Variants in DYNC2H1 observed in about 807,000 individuals in gnomAD.
DYNC2H1 encodes cytoplasmic dynein 2 heavy chain 1.
DYNC2H1 carries 410 observed loss-of-function variants against 570.0 expected under a neutral mutation model. The observed-to-expected ratio is 0.72, with a 90% CI of 0.66 to 0.78. The LOEUF (loss-of-function observed/expected upper bound fraction) is 0.78, where lower values mean the gene tolerates loss of function less well. Ranked by LOEUF, DYNC2H1 falls within the 30% of genes least tolerant of loss-of-function variation. DYNC2H1 has a pLI of 0.00. For synonymous variants in DYNC2H1, 1,688 were observed against 1,677.6 expected (o/e 1.01, Z -0.15); for missense variants, 4,865 against 5,046.4 (o/e 0.96, Z 1.09).
intron 85 of DYNC2H1, among the ~76,000 whole-genome samples, chr11:103,444,435 ATC>A (rs1944364060): frequency 6.6e-6 from 1 of 152,118 alleles, no homozygotes. Flanking sequence ...AGGTAGTAAC[ATC>A]TGTCCTTATA....
intron 12 of DYNC2H1, among the ~76,000 whole-genome samples, chr11:103,126,071 G>C (rs1010329198): frequency 6.6e-6 from 1 of 151,862 alleles, no homozygotes; most frequent in Non-Finnish European, 1.5e-5. Context: ...TCTTTGACTT[G>C]ATTATTATAT....
intron 82 of DYNC2H1, among the ~76,000 whole-genome samples, chr11:103,338,409 G>A (rs191385199): frequency 1.6e-4 from 24 of 152,252 alleles, no homozygotes; most frequent in Non-Finnish European, 3.2e-4. Context: ...TTTCTGTGAA[G>A]AATGTCATTG....
At chr11:103,468,764 C>G (rs926117840) in intron 88 of DYNC2H1, 59 bp downstream of exon 88, 2 of 1,324,650 alleles carry the variant, frequency 1.5e-6, no homozygotes, top group Admixed American at 2.2e-5. Context: ...TAGATTTTAT[C>G]TTTTCAAGAA....
intron 83 of DYNC2H1, among the ~76,000 whole-genome samples, chr11:103,385,063 A>G (rs1941816832): frequency 2.0e-5 from 3 of 152,006 alleles, no homozygotes; most frequent in African/African-American, 7.2e-5. Context: ...TCTTTGATCT[A>G]TCTTTTCTTG....
chr11:103,187,341 A>G lies in DYNC2H1; in HGVS notation c.6895A>G (p.Met2299Val). 1 of 1,612,610 alleles carries G rather than the reference A, an allele frequency of 6.2e-7. No individual in the cohort carries two copies. ...TCAGATGTCATGCATTTTTCGTAGG[A>G]TGCTGCTCAGGTACGCATTTTCACA... Reference protein sequence around the residue: ...LVGPEGCGKGMLLRYAFSQLR... With the variant: ...LVGPEGCGKGVLLRYAFSQLR... The change falls in exon 43 of 89, where the codon ATG becomes GTG. Residue 2299 changes from methionine (M) to valine (V), a missense_variant and splice_region_variant. By Grantham distance (21) the Met-to-Val change is conservative (BLOSUM62 1). Around this residue, in one of 5 missense-constraint regions of DYNC2H1, gnomAD observed 2,401 missense variants for 2,454.6 expected, o/e 0.98. Transcript: ENST00000375735.
intron 60 of DYNC2H1, among the ~76,000 whole-genome samples, chr11:103,233,021 G>A (rs965509644): frequency 1.3e-5 from 2 of 151,898 alleles, no homozygotes; most frequent in African/African-American, 4.8e-5. Context: ...TTAAATAGCC[G>A]TAAAGTGGCT....
intron 84 of DYNC2H1, among the ~76,000 whole-genome samples, chr11:103,428,901 T>G (rs1363225041): frequency 1.3e-5 from 2 of 152,178 alleles, no homozygotes; most frequent in Non-Finnish European, 2.9e-5. Flanking sequence ...ATGTGGGTTG[T>G]TTCCACCTTC....
At chr11:103,148,454 A>T in intron 19 of DYNC2H1, 36 bp from the exon 20 acceptor site, 1 of 1,536,956 alleles carries the variant, frequency 6.5e-7, no homozygotes, top group South Asian at 1.2e-5. Context: ...TGATGGTAAT[A>T]ATTAACATTT....
At chr11:103,214,169 A>G (rs1425789802) in intron 54 of DYNC2H1, among the ~76,000 whole-genome samples, 1 of 152,018 alleles carries the variant, frequency 6.6e-6, no homozygotes, top group African/African-American at 2.4e-5. Flanking sequence ...ATTCTGTTCC[A>G]TTGGTCTGTG....
chr11:103,177,696 A>G lies in DYNC2H1; in HGVS notation c.6015A>G (p.Gln2005=), dbSNP rs1399232582. ...ALCKTGKVVK[Q]YTMNPKAMPR... is the part of the protein sequence containing the mutation. ...GTAAAACTGGCAAAGTAGTGAAACA[A>G]TATACTATGAATCCCAAAGCTATGC... Residue 2005 remains glutamine, a synonymous_variant, in exon 38 of 89, where the codon CAA becomes CAG. Transcript: ENST00000375735. This position sits in a 1 kb window ranked among gnomAD's most constrained non-coding sequence, Gnocchi z 4.4. The G allele has an allele frequency of 1.2e-6, 2 of 1,613,604 alleles. No individual in the cohort carries two copies. The highest frequency in any genetic ancestry group is 1.1e-5 in the South Asian group (1 of 91,024).
At chr11:103,357,130 C>G (rs747975400) in intron 82 of DYNC2H1, among the ~76,000 whole-genome samples, 19 of 151,974 alleles carry the variant, frequency 1.3e-4, no homozygotes, top group South Asian at 1.2e-3. Flanking sequence ...ATCACATTAT[C>G]TGTAACCTAA....
At chr11:103,230,485 G>C (rs915183846) in intron 59 of DYNC2H1, among the ~76,000 whole-genome samples, 1 of 152,186 alleles carries the variant, frequency 6.6e-6, no homozygotes, top group Admixed American at 6.6e-5. Context: ...AGATGAGTAA[G>C]GGCATAAGCT....
At chr11:103,354,302 T>G (rs530577046) in intron 82 of DYNC2H1, among the ~76,000 whole-genome samples, 1 of 152,030 alleles carries the variant, frequency 6.6e-6, no homozygotes, top group Non-Finnish European at 1.5e-5. Flanking sequence ...TTCCCCTTTT[T>G]AAAAAAATTC....
intron 84 of DYNC2H1, among the ~76,000 whole-genome samples, chr11:103,426,012 G>T (rs1198288583): frequency 1.3e-5 from 2 of 152,160 alleles, no homozygotes; most frequent in Admixed American, 6.6e-5. Flanking sequence ...GCTGAAGGTT[G>T]TGGGTTTACC....
intron 36 of DYNC2H1, among the ~76,000 whole-genome samples, chr11:103,175,611 G>A (rs1388581420): frequency 6.6e-6 from 1 of 152,158 alleles, no homozygotes; most frequent in Non-Finnish European, 1.5e-5. Flanking sequence ...GAGTCTGGCA[G>A]TGGTATCAGT....
intron 70 of DYNC2H1, among the ~76,000 whole-genome samples, chr11:103,265,160 A>G (rs1160597426): frequency 1.3e-5 from 2 of 152,300 alleles, no homozygotes; most frequent in South Asian, 2.1e-4. Flanking sequence ...GAGTTGAACA[A>G]TAAGAACACA....
chr11:103,354,570 T>G (rs1940237037), intron 82 of DYNC2H1, among the ~76,000 whole-genome samples: 1 of 152,166 alleles, frequency 6.6e-6, no homozygotes, highest in Non-Finnish European at 1.5e-5. Context: ...TAGACTTTTT[T>G]TTGGATGATT....
chr11:103,250,466 T>C (rs925366023), intron 65 of DYNC2H1, among the ~76,000 whole-genome samples: 3 of 152,138 alleles, frequency 2.0e-5, no homozygotes, highest in Non-Finnish European at 4.4e-5. Context: ...GTGGACATAG[T>C]ATCCAAGAGG....
At chr11:103,287,739 A>G in intron 75 of DYNC2H1, 134 bp downstream of exon 75, 1 of 755,326 alleles carries the variant, frequency 1.3e-6, no homozygotes, top group South Asian at 2.6e-5. Flanking sequence ...TTTATCTTCC[A>G]ATCTCTACCT....
Sources: allele counts gnomAD v4.1 joint callset (sites outside exome capture counted in the v4.1 genomes callset), GRCh38; gene constraint gnomAD v4.1.1; regional missense constraint gnomAD v4.1.1; non-coding constraint Gnocchi (gnomAD v3.1); transcripts MANE v1.5; gene names NCBI Gene and HGNC (gene_info 2026-07-23, HGNC 2026-07-21).